Variants in GRIN2B observed in about 807,000 individuals in gnomAD.
GRIN2B encodes the protein glutamate ionotropic receptor NMDA type subunit 2B, also known as glutamate receptor ionotropic, NMDA 2B.
Under a neutral mutation model 114.5 loss-of-function variants are expected in GRIN2B, and 5 were observed. The ratio of observed to expected loss-of-function variants is 0.04; its 90% CI spans 0.02 to 0.09. GRIN2B has a LOEUF of 0.09. Among genes scored for constraint, GRIN2B ranks in the 10% least tolerant of loss-of-function variants. GRIN2B has a pLI of 1.00. For missense variants in GRIN2B, 1,108 were observed against 1,943.5 expected, an observed-to-expected ratio of 0.57 and a Z score of 8.08; for synonymous variants, 787 against 745.1, an observed-to-expected ratio of 1.06 and a Z score of -0.92.
At position 13,708,592 on chromosome 12, in the gene GRIN2B, GGA is replaced by G. The variant is rs531955933; in HGVS notation, c.1011-32735_1011-32734del. On this transcript the variant is annotated intron_variant, in intron 4 of 13. Transcript: ENST00000609686. Reference sequence around the variant, plus strand: ...ATTATTTTGGCATTTGAAGAGGAGAGGAGACATTGAATTTGTGGGGTTTTTTG... The same window carrying G: ...ATTATTTTGGCATTTGAAGAGGAGAGGACATTGAATTTGTGGGGTTTTTTG... Among the ~76,000 whole-genome samples, 57 of 152,096 alleles carry G rather than the reference GGA, an allele frequency of 3.7e-4. 1 individual carries two copies. The East Asian group carries it at 9.5e-3, about 25-fold the overall frequency.
intron 2 of GRIN2B, among the ~76,000 whole-genome samples, chr12:13,906,751 A>C (rs959154236): frequency 6.6e-6 from 1 of 152,254 alleles, no homozygotes; most frequent in South Asian, 2.1e-4. Context: ...TCATTGTCAA[A>C]ATGTGTATAA....
intron 3 of GRIN2B, among the ~76,000 whole-genome samples, chr12:13,847,080 G>A (rs906609098): frequency 2.6e-5 from 4 of 152,132 alleles, no homozygotes; most frequent in African/African-American, 9.7e-5. Flanking sequence ...TAATAAGGGA[G>A]AGCCAGAATC....
chr12:13,966,901 A>G (rs1283073766), intron 2 of GRIN2B, among the ~76,000 whole-genome samples: 2 of 152,226 alleles, frequency 1.3e-5, no homozygotes, highest in Non-Finnish European at 1.5e-5. Flanking sequence ...ATAAATGAAC[A>G]AGGGTCAGAA....
chr12:13,611,012 T>C (rs1369341984), intron 9 of GRIN2B, among the ~76,000 whole-genome samples: 1 of 152,168 alleles, frequency 6.6e-6, no homozygotes, highest in Non-Finnish European at 1.5e-5. Context: ...TCAGGAAGTT[T>C]TAGAGGAGTT....
chr12:13,851,925 T>G (rs975737581), intron 3 of GRIN2B, among the ~76,000 whole-genome samples: 2 of 150,080 alleles, frequency 1.3e-5, no homozygotes, highest in African/African-American at 4.9e-5. Context: ...GAAATAAGAG[T>G]AGGCAGAGGA....
At position 13,615,308 on chromosome 12, in the gene GRIN2B, G is replaced by A. The variant is rs749941821; in HGVS notation, c.1501-41C>T. The A allele has an allele frequency of 5.0e-6, 8 of 1,602,938 alleles. No individual in the cohort carries two copies. In the South Asian group the frequency reaches 8.8e-5, roughly 18 times the overall value. On this transcript the variant is annotated intron_variant, in intron 7 of 13. Coordinates refer to ENST00000609686, the MANE Select transcript of GRIN2B (RefSeq NM_000834.5). The surrounding 1 kb of genome is among the most constrained non-coding windows in gnomAD (Gnocchi z 5.8). ...GATGCTCCAATTAAAACATTCAGGA[G>A]GGCAAGGGACCACCACAAGGAAAAT... is the stretch of plus-strand genomic sequence containing the variant.
chr12:13,833,373 C>T (rs755420204), intron 3 of GRIN2B, among the ~76,000 whole-genome samples: 10 of 152,186 alleles, frequency 6.6e-5, no homozygotes, highest in South Asian at 4.1e-4. Flanking sequence ...CAATGGGCCT[C>T]GGAACCTTCT....
At chr12:13,795,339 C>A (rs1864399796) in intron 3 of GRIN2B, among the ~76,000 whole-genome samples, 1 of 150,452 alleles carries the variant, frequency 6.6e-6, no homozygotes, top group Admixed American at 6.6e-5. Context: ...TGGCTGAGAT[C>A]TTTTCTAGAG....
At chr12:13,693,612 A>C (rs1950232906) in intron 4 of GRIN2B, among the ~76,000 whole-genome samples, 1 of 152,166 alleles carries the variant, frequency 6.6e-6, no homozygotes. Flanking sequence ...CCTGTTAAAA[A>C]TATGGATTCC....
intron 3 of GRIN2B, among the ~76,000 whole-genome samples, chr12:13,854,990 C>A (rs1380858772): frequency 6.9e-6 from 1 of 145,674 alleles, no homozygotes; most frequent in South Asian, 2.2e-4. Context: ...GTGGGTGGAC[C>A]ACCTGAGGTC....
rs920637516 is a variant in GRIN2B at position 13,913,052 on chromosome 12, C to A, written c.-18-46826G>T. Reference sequence around the variant, plus strand: ...CTCCCCAAGCATGCCCCCCAGCCTTCCACCTGAGTCGAGAGTAACAGTGGC... The same window carrying A: ...CTCCCCAAGCATGCCCCCCAGCCTTACACCTGAGTCGAGAGTAACAGTGGC... On this transcript the variant is annotated intron_variant, in intron 2 of 13. Coordinates refer to ENST00000609686, the MANE Select transcript of GRIN2B (RefSeq NM_000834.5). 2.6e-5 allele frequency among the ~76,000 whole-genome samples: 4 copies of A among 152,102 alleles called. No individual in the cohort carries two copies. The South Asian group carries it at 8.3e-4, about 32-fold the overall frequency.
intron 4 of GRIN2B, among the ~76,000 whole-genome samples, chr12:13,686,065 G>A (rs1950172314): frequency 6.6e-6 from 1 of 152,212 alleles, no homozygotes; most frequent in South Asian, 2.1e-4. Context: ...AAACCACAAT[G>A]CAAAAGTGCT....
chr12:13,563,673 C>A lies in GRIN2B; in HGVS notation c.3565G>T (p.Val1189Leu). The change falls in exon 14 of 14, where the codon GTG (valine) becomes TTG (leucine). Residue 1189 changes from valine (V) to leucine (L), a missense_variant. By Grantham distance (32) the Val-to-Leu change is conservative (BLOSUM62 1). Around this residue, in one of 19 missense-constraint regions of GRIN2B, gnomAD observed 478 missense variants for 506.0 expected, o/e 0.94. Transcript: ENST00000609686. ...CAAGGTGCAGGTACCCCGCTGACCA[C>A]GCCGTGTTTGTCGCCCGTCCCGTGC... ...IKHGTGDKHG[V>L]VSGVPAPWEK... 1 of 1,613,584 alleles carries A rather than the reference C, an allele frequency of 6.2e-7. No individual in the cohort carries two copies.
Position 13,562,686 on chromosome 12 carries a change from G to A in GRIN2B, c.*97C>T. 1 of 1,047,904 alleles carries A rather than the reference G, an allele frequency of 9.5e-7. No homozygotes were observed. The highest frequency in any genetic ancestry group is 1.5e-6 in the Non-Finnish European group (1 of 668,916). 64.9% of individuals were successfully genotyped at this position (1,047,904 alleles called of 1,614,324 possible). ...AATTAAAACAAGAAAGGAGCAAATG[G>A]GAACCAAGTTCACCCCCGTCACCCT... On this transcript the variant is annotated 3_prime_UTR_variant, in exon 14 of 14. Transcript: ENST00000609686.
Position 13,562,130 on chromosome 12 carries a change from C to T in GRIN2B, c.*653G>A, listed in dbSNP as rs1290598150. On this transcript the variant is annotated 3_prime_UTR_variant, in exon 14 of 14. Transcript: ENST00000609686. ...CGTACTTTCCAGTTTGTTCAAGAATCCACTCTGCCACCAATGACCTTTTGT... is the reference window on the plus strand; with the variant it reads ...CGTACTTTCCAGTTTGTTCAAGAATTCACTCTGCCACCAATGACCTTTTGT... 1 of 152,678 alleles carries T rather than the reference C, an allele frequency of 6.5e-6. No homozygotes were observed. The highest frequency in any genetic ancestry group is 1.5e-5 in the Non-Finnish European group (1 of 68,392). 9.5% of individuals were successfully genotyped at this position (152,678 alleles called of 1,614,324 possible). A position where few individuals can be genotyped will look rare whatever the true frequency, so the allele number is the denominator to read the frequency against.
intron 4 of GRIN2B, among the ~76,000 whole-genome samples, chr12:13,720,123 T>C (rs919205716): frequency 6.6e-6 from 1 of 152,000 alleles, no homozygotes; most frequent in African/African-American, 2.4e-5. Context: ...GTAGGGAATG[T>C]CGAGTCAGCC....
In GRIN2B at chr12:13,615,098, C is replaced by A; in HGVS notation, c.1654+16G>T. The A allele has an allele frequency of 6.2e-7, 1 of 1,607,994 alleles. No homozygotes were observed. The highest frequency in any genetic ancestry group is 8.5e-7 in the Non-Finnish European group (1 of 1,174,368). On this transcript the variant is annotated intron_variant, in intron 8 of 13. Transcript: ENST00000609686. This position sits in a 1 kb window ranked among gnomAD's most constrained non-coding sequence, Gnocchi z 5.8. Reference sequence around the variant, plus strand: ...CCATACGTCCATTTCCTTCCACCAGCAAACCCATCATTTACCTAAGAAGGC... The same window carrying A: ...CCATACGTCCATTTCCTTCCACCAGAAAACCCATCATTTACCTAAGAAGGC...
intron 3 of GRIN2B, among the ~76,000 whole-genome samples, chr12:13,784,653 C>T (rs1864190768): frequency 6.7e-6 from 1 of 148,842 alleles, no homozygotes; most frequent in Non-Finnish European, 1.5e-5. Context: ...CCAGCTTAGG[C>T]CTCCAGAGGC....
intron 5 of GRIN2B, among the ~76,000 whole-genome samples, chr12:13,670,057 G>A (rs769949312): frequency 5.3e-5 from 8 of 151,838 alleles, no homozygotes; most frequent in African/African-American, 9.7e-5. Context: ...CCCTTTTCTC[G>A]GTTTGGTTGC....
Sources: gnomAD v4.1 joint callset for allele counts (sites outside exome capture counted in the v4.1 genomes callset) on GRCh38, gnomAD v4.1.1 for gene constraint, gnomAD v4.1.1 regional missense constraint, Gnocchi (gnomAD v3.1) non-coding constraint, MANE v1.5 for transcripts, NCBI Gene and HGNC (gene_info 2026-07-23, HGNC 2026-07-21) for gene names.